HEPHL1: variants seen among roughly 807,000 people sequenced by gnomAD.
The protein encoded by HEPHL1 is hephaestin like 1, also known as ferroxidase HEPHL1.
Under a neutral mutation model 122.0 loss-of-function variants are expected in HEPHL1, and 123 were observed. The observed-to-expected ratio is 1.01, with a 90% CI of 0.87 to 1.17. The LOEUF (loss-of-function observed/expected upper bound fraction) is 1.17. HEPHL1 is among the 50% of genes most tolerant of loss of function. The pLI is 0.00. For synonymous variants in HEPHL1, 527 were observed against 508.9 expected (o/e 1.04, Z -0.48); for missense variants, 1,452 against 1,430.5 (o/e 1.01, Z -0.24).
chr11:94,111,317 G>A (rs1946446725), intron 18 of HEPHL1, among the ~76,000 whole-genome samples: 1 of 152,166 alleles, frequency 6.6e-6, no homozygotes, highest in African/African-American at 2.4e-5. Flanking sequence ...TTTCACAGAG[G>A]CCATGATGCT....
At chr11:94,037,201 C>A (rs577892591) in intron 1 of HEPHL1, among the ~76,000 whole-genome samples, 21 of 151,406 alleles carry the variant, frequency 1.4e-4, no homozygotes, top group East Asian at 1.2e-3. Context: ...TATCCCGCAC[C>A]TGGCTCAGAG....
At chr11:94,028,199 T>A (rs544359335) in intron 1 of HEPHL1, among the ~76,000 whole-genome samples, 1 of 152,322 alleles carries the variant, frequency 6.6e-6, no homozygotes, top group South Asian at 2.1e-4. Context: ...GTCAAATGCA[T>A]GTTTTGCTTC....
intron 1 of HEPHL1, among the ~76,000 whole-genome samples, chr11:94,026,123 C>G (rs1196670398): frequency 6.6e-6 from 1 of 152,180 alleles, no homozygotes; most frequent in Non-Finnish European, 1.5e-5. Context: ...GCTTTAAACC[C>G]TTTGTGGTTT....
chr11:94,063,456 C>G (rs938541994), intron 2 of HEPHL1, 52 bp from the exon 3 acceptor site: 4 of 1,383,386 alleles, frequency 2.9e-6, no homozygotes, highest in Middle Eastern at 2.0e-4. Context: ...AGCATGTGAT[C>G]TCTCTGTTTT....
rs747736767 is a variant in HEPHL1 at position 94,088,755 on chromosome 11, G to T, written c.2081G>T (p.Gly694Val). 6.2e-7 allele frequency: 1 copy of T among 1,611,840 alleles called. No individual in the cohort carries two copies. The highest frequency in any genetic ancestry group is 8.5e-7 in the Non-Finnish European group (1 of 1,178,576). The change falls in exon 12 of 20, where the codon GGT becomes GTT. Residue 694 changes from glycine to valine, a missense_variant and splice_region_variant. Gly to Val is a moderately radical substitution (Grantham distance 109, BLOSUM62 -3). Transcript: ENST00000315765. Reference protein sequence around the residue: ...TTAFMQPDHAGIFRVFCATMP... With the variant: ...TTAFMQPDHAVIFRVFCATMP... Reference sequence around the variant, plus strand: ...CAATGCCGAGCCATTTCTCTTGCAGGTATTTTTAGGGTGTTTTGTGCCACC... The same window carrying T: ...CAATGCCGAGCCATTTCTCTTGCAGTTATTTTTAGGGTGTTTTGTGCCACC...
At chr11:94,086,285 A>C (rs758681962) in intron 11 of HEPHL1, 96 bp downstream of exon 11, 2 of 880,882 alleles carry the variant, frequency 2.3e-6, no homozygotes, top group Admixed American at 4.2e-5. Flanking sequence ...GACTTTGTGC[A>C]CTTCAAGTGG....
chr11:94,067,539 G>T lies in HEPHL1; in HGVS notation c.852G>T (p.Met284Ile). 6.2e-7 allele frequency: 1 copy of T among 1,613,660 alleles called. No individual in the cohort carries two copies. Among genetic ancestry groups the T allele is most frequent in the Non-Finnish European group, 8.5e-7 (1 of 1,179,660 alleles). ...TCGGAAACTTCCCGGAGCCTGATAT[G>T]TGTGTTGGAGAATCTGTGTCCTGGC... ...YLFGNFPEPD[M>I]CVGESVSWHL... is the part of the protein sequence containing the mutation. The change falls in exon 5 of 20, where the codon ATG becomes ATT. Residue 284 changes from methionine to isoleucine, a missense_variant. By Grantham distance (10) the Met-to-Ile change is conservative (BLOSUM62 1). Transcript: ENST00000315765.
intron 1 of HEPHL1, among the ~76,000 whole-genome samples, chr11:94,043,727 T>C (rs1945808292): frequency 6.6e-6 from 1 of 151,870 alleles, no homozygotes; most frequent in Non-Finnish European, 1.5e-5. Flanking sequence ...CTTGAGTAAC[T>C]CTTCATTGTT....
intron 1 of HEPHL1, among the ~76,000 whole-genome samples, chr11:94,028,760 A>G (rs1259096663): frequency 1.3e-5 from 2 of 152,208 alleles, no homozygotes; most frequent in Non-Finnish European, 2.9e-5. Context: ...TCTAACAAAT[A>G]TACTCCATTT....
intron 1 of HEPHL1, among the ~76,000 whole-genome samples, chr11:94,029,115 C>T (rs1945651006): frequency 6.6e-6 from 1 of 152,178 alleles, no homozygotes; most frequent in African/African-American, 2.4e-5. Flanking sequence ...GCATGAGCCA[C>T]CACACCCAGC....
intron 1 of HEPHL1, among the ~76,000 whole-genome samples, chr11:94,023,564 A>G (rs1300179797): frequency 6.6e-6 from 1 of 152,216 alleles, no homozygotes; most frequent in Admixed American, 6.5e-5. Context: ...TGCTATGGTG[A>G]AAAAGAAAAT....
intron 2 of HEPHL1, chr11:94,056,078 AC>A: frequency 2.8e-6 from 1 of 362,738 alleles, no homozygotes; most frequent in South Asian, 3.4e-5. Context: ...AGATATGAAT[AC>A]ATTTATAATG....
intron 1 of HEPHL1, among the ~76,000 whole-genome samples, chr11:94,044,039 G>T (rs1591466804): frequency 1.3e-5 from 2 of 151,914 alleles, no homozygotes; most frequent in Admixed American, 1.3e-4. Flanking sequence ...CATTGGGATG[G>T]CTGCACCCAG....
At chr11:94,109,231 C>T (rs538236732) in intron 17 of HEPHL1, among the ~76,000 whole-genome samples, 14 of 152,142 alleles carry the variant, frequency 9.2e-5, no homozygotes, top group Non-Finnish European at 1.6e-4. Context: ...CTTTGCTAAA[C>T]TCACTTTAGT....
rs1946468619 is a variant in HEPHL1, at chr11:94,113,561, C to A, written c.*1667C>A. 1 of 152,192 alleles carries A rather than the reference C, an allele frequency of 6.6e-6. No homozygotes were observed. Among genetic ancestry groups the A allele is most frequent in the African/African-American group, 2.4e-5 (1 of 41,446 alleles). 9.4% of individuals were successfully genotyped at this position (152,192 alleles called of 1,614,324 possible). On this transcript the variant is annotated 3_prime_UTR_variant, in exon 20 of 20. Transcript: ENST00000315765. ...ACAATGTGATTTCATAGTACATGTT[C>A]TACAGTTTTCATACATGTGTAGGCT...
At chr11:94,100,113 A>G (rs1053434389) in intron 13 of HEPHL1, among the ~76,000 whole-genome samples, 5 of 152,170 alleles carry the variant, frequency 3.3e-5, no homozygotes, top group African/African-American at 1.2e-4. Context: ...TCACACTGGG[A>G]GCTGTAGACT....
chr11:94,087,195 A>G (rs1650753702), intron 11 of HEPHL1, among the ~76,000 whole-genome samples: 2 of 152,100 alleles, frequency 1.3e-5, no homozygotes, highest in African/African-American at 4.8e-5. Flanking sequence ...TGCCTTGGAC[A>G]CAACTTTTTT....
At chr11:94,109,574 A>G (rs1166905121) in intron 17 of HEPHL1, among the ~76,000 whole-genome samples, 1 of 152,150 alleles carries the variant, frequency 6.6e-6, no homozygotes, top group South Asian at 2.1e-4. Flanking sequence ...AATTCTATCA[A>G]ATGGTTTTTC....
At chr11:94,057,916 CA>C (rs1248257308) in intron 2 of HEPHL1, among the ~76,000 whole-genome samples, 6 of 151,016 alleles carry the variant, frequency 4.0e-5, no homozygotes, top group Non-Finnish European at 5.9e-5. Flanking sequence ...ATTCCTTCAT[CA>C]ACTCTAGGTT....
Sources: allele counts gnomAD v4.1 joint callset (sites outside exome capture counted in the v4.1 genomes callset), GRCh38; gene constraint gnomAD v4.1.1; transcripts MANE v1.5; gene names NCBI Gene and HGNC (gene_info 2026-07-23, HGNC 2026-07-21).